The following ZNF658 variants were observed in gnomAD, a reference collection of about 807,000 sequenced individuals.
ZNF658 encodes zinc finger protein 658.
In ZNF658, 46 loss-of-function variants were observed where a neutral mutation model predicts 78.0. That is an observed-to-expected ratio of 0.59 (90% CI 0.47 to 0.75). The LOEUF is 0.75. Ranked by LOEUF, ZNF658 falls within the 30% of genes least tolerant of loss-of-function variation. ZNF658 has a pLI of 0.00. For missense variants in ZNF658, 785 were observed against 1,189.3 expected (o/e 0.66, Z 5.00); for synonymous variants, 279 against 408.4 (o/e 0.68, Z 3.82).
At chr9:66,909,718 C>T (rs1822168798) in intron 4 of ZNF658, among the ~76,000 whole-genome samples, 1 of 152,186 alleles carries the variant, frequency 6.6e-6, no homozygotes, top group African/African-American at 2.4e-5. Flanking sequence ...ACATCCTCAC[C>T]AGTGCTTGTT....
chr9:66,922,540 T>G (rs1587371353), downstream of ZNF658, among the ~76,000 whole-genome samples: 3 of 106,838 alleles, frequency 2.8e-5, 1 homozygote, highest in South Asian at 8.5e-4. Flanking sequence ...CAATGTGTTG[T>G]TATTGCAACA....
intron 3 of ZNF658, 136 bp downstream of exon 3, chr9:66,908,500 C>A (rs1178285937): frequency 6.8e-7 from 1 of 1,474,224 alleles, no homozygotes; most frequent in Non-Finnish European, 9.1e-7. Flanking sequence ...TTTACAGAAA[C>A]AAAAGCAACA....
In ZNF658 at chr9:66,909,765, TG is replaced by T. The variant is rs1446090010; in HGVS notation, c.238+1032del. 5.3e-5 allele frequency among the ~76,000 whole-genome samples: 8 copies of T among 152,230 alleles called. No individual in the cohort carries two copies. The East Asian group carries it at 1.3e-3, about 26-fold the overall frequency. ...TTTTGATTCTAGCCACCCCAGTGGATGTGAAGTGATATCTCACTGTGGTTTT... is the reference window on the plus strand; with the variant it reads ...TTTTGATTCTAGCCACCCCAGTGGATTGAAGTGATATCTCACTGTGGTTTT... On this transcript the variant is annotated intron_variant, in intron 4 of 4. Transcript: ENST00000621410.
rs1217240536 is a variant in ZNF658 at position 66,908,319 on chromosome 9, T to C, written c.97T>C (p.Tyr33His). 8 of 1,613,984 alleles carry C rather than the reference T, an allele frequency of 5.0e-6. No individual in the cohort carries two copies. The highest frequency in any genetic ancestry group is 6.8e-6 in the Non-Finnish European group (8 of 1,179,996). The change falls in exon 3 of 5, where the codon TAC becomes CAC. Residue 33 changes from tyrosine to histidine, a missense_variant. Coordinates refer to ENST00000621410, the MANE Select transcript of ZNF658 (RefSeq NM_033160.7). ...QHLGPVERTL[Y>H]RDVMLENYSH... is the part of the protein sequence containing the mutation. ...CCTGGGCCCTGTCGAGAGGACGCTG[T>C]ACAGAGATGTGATGCTGGAGAACTA...
intron 6 of ZNF658, among the ~76,000 whole-genome samples, chr9:66,930,796 C>T (rs1003155298): frequency 2.6e-5 from 4 of 150,978 alleles, no homozygotes; most frequent in Non-Finnish European, 5.9e-5. Flanking sequence ...GCATCCTTTG[C>T]CCACAAATGA....
chr9:66,925,478 A>G (rs1822576657), downstream of ZNF658, among the ~76,000 whole-genome samples: 1 of 146,652 alleles, frequency 6.8e-6, no homozygotes, highest in Admixed American at 6.6e-5. Context: ...CAATAAACTC[A>G]ATAACCTAGA....
intron 4 of ZNF658, among the ~76,000 whole-genome samples, chr9:66,915,021 A>G (rs1822301015): frequency 6.6e-6 from 1 of 151,562 alleles, no homozygotes; most frequent in Admixed American, 6.6e-5. Flanking sequence ...ACTAGTTAAA[A>G]CTATTTGGTC....
At chr9:66,922,177 G>A (rs1257419551), downstream of ZNF658, among the ~76,000 whole-genome samples, 1 of 142,762 alleles carries the variant, frequency 7.0e-6, no homozygotes, top group East Asian at 2.1e-4. Context: ...CTCCTGCTGT[G>A]CCATTTGCTA....
chr9:66,910,319 G>T (rs760500504), intron 4 of ZNF658, among the ~76,000 whole-genome samples: 1 of 152,022 alleles, frequency 6.6e-6, no homozygotes, highest in African/African-American at 2.4e-5. Flanking sequence ...GAATAAAAAA[G>T]TAAAATCATC....
In ZNF658 at chr9:66,908,744, C is replaced by T. The variant is rs768314024; in HGVS notation, c.238+10C>T. 1 of 1,609,936 alleles carries T rather than the reference C, an allele frequency of 6.2e-7. No individual in the cohort carries two copies. Among genetic ancestry groups the T allele is most frequent in the East Asian group, 2.2e-5 (1 of 44,846 alleles). On this transcript the variant is annotated intron_variant, in intron 4 of 4. Transcript: ENST00000621410. ...AACCAGAGGTACCCAGGTGAGTGGG[C>T]ATTAACAGAAGGAGCCCCCTGGGGG...
At position 66,920,799 on chromosome 9, in the gene ZNF658, G is replaced by A. The variant is rs956872211; in HGVS notation, c.*53G>A. The A allele has an allele frequency of 3.1e-6, 2 of 645,134 alleles. No homozygotes were observed. The highest frequency in any genetic ancestry group is 3.8e-5 in the African/African-American group (2 of 53,216). The allele number at this position is 645,134 out of a possible 1,614,324, so 40.0% of individuals were successfully genotyped here. ...GTAGTGCAGAAACTCATGTGACATAGGCTGGGAACTTGTTTCCCTTATCCA... is the reference window on the plus strand; with the variant it reads ...GTAGTGCAGAAACTCATGTGACATAAGCTGGGAACTTGTTTCCCTTATCCA... On this transcript the variant is annotated 3_prime_UTR_variant, in exon 5 of 5. Coordinates refer to ENST00000621410, the MANE Select transcript of ZNF658 (RefSeq NM_033160.7).
rs1014740887 is a variant in ZNF658, at chr9:66,921,028, T to G, written c.*282T>G. 3.1e-5 allele frequency: 15 copies of G among 479,134 alleles called. No individual in the cohort carries two copies. The highest frequency in any genetic ancestry group is 3.8e-6 in the Non-Finnish European group (1 of 264,760). The allele number at this position is 479,134 out of a possible 1,614,324, so 29.7% of individuals were successfully genotyped here. A position where few individuals can be genotyped will look rare whatever the true frequency, so the allele number is the denominator to read the frequency against. ...TTCTGCAGCAAACTTGGGTCCTGTG[T>G]GTTCAAAACCATAGAGCACAAGGTC... On this transcript the variant is annotated 3_prime_UTR_variant, in exon 5 of 5. Coordinates refer to ENST00000621410, the MANE Select transcript of ZNF658 (RefSeq NM_033160.7).
At chr9:66,904,876 G>A (rs1015435336) in intron 2 of ZNF658, among the ~76,000 whole-genome samples, 2 of 151,734 alleles carry the variant, frequency 1.3e-5, no homozygotes, top group Admixed American at 6.6e-5. Context: ...TTGGTTGACA[G>A]TCTTTGTTTC....
chr9:66,908,958 G>A (rs1269604261), intron 4 of ZNF658, among the ~76,000 whole-genome samples: 6 of 152,064 alleles, frequency 3.9e-5, no homozygotes, highest in Non-Finnish European at 8.8e-5. Flanking sequence ...TTTTTTTCCT[G>A]TCACTATTCC....
Position 66,908,454 on chromosome 9 carries a change from G to T in ZNF658, c.142+90G>T. 3.8e-6 allele frequency: 6 copies of T among 1,577,534 alleles called. No individual in the cohort carries two copies. The South Asian group carries it at 4.7e-5, about 12-fold the overall frequency. On this transcript the variant is annotated intron_variant, in intron 3 of 4. Coordinates refer to ENST00000621410, the MANE Select transcript of ZNF658 (RefSeq NM_033160.7). Reference sequence around the variant, plus strand: ...ACATGGACCCTTTATAGAGATTAAAGGGCTTTGGATTAAAAGGTTTGAAGT... The same window carrying T: ...ACATGGACCCTTTATAGAGATTAAATGGCTTTGGATTAAAAGGTTTGAAGT...
rs140849844 is a variant in ZNF658, at chr9:66,918,658, G to A, written c.1092G>A (p.Gln364=). Reference sequence around the variant, plus strand: ...ATGAATGTACAGATGCCCTCTACCAGAAATTAGACTTTACAGCACATCAGA... The same window carrying A: ...ATGAATGTACAGATGCCCTCTACCAAAAATTAGACTTTACAGCACATCAGA... ...EHNECTDALY[Q]KLDFTAHQRI... The change falls in exon 5 of 5, where the codon CAG becomes CAA. Residue 364 remains glutamine, a synonymous_variant. Coordinates refer to ENST00000621410, the MANE Select transcript of ZNF658 (RefSeq NM_033160.7). 17 of 1,613,598 alleles carry A rather than the reference G, an allele frequency of 1.1e-5. No individual in the cohort carries two copies. The highest frequency in any genetic ancestry group is 1.4e-5 in the Non-Finnish European group (16 of 1,179,826).
rs926355284 is a variant in ZNF658 at position 66,929,007 on chromosome 9, T to G, written c.*55-3018T>G. 4.4e-4 allele frequency among the ~76,000 whole-genome samples: 66 copies of G among 151,428 alleles called. 1 individual carries two copies. Among genetic ancestry groups the G allele is most frequent in the Admixed American group, 3.9e-3 (59 of 15,164 alleles). On this transcript the variant is annotated intron_variant and NMD_transcript_variant, in intron 6 of 6. Coordinates refer to the ZNF658 transcript ENST00000622180. ...GGAATGAGAAATTGGCAATACATGTTAAACCCACTCTGTTACTTTCTTTTC... is the reference window on the plus strand; with the variant it reads ...GGAATGAGAAATTGGCAATACATGTGAAACCCACTCTGTTACTTTCTTTTC...
chr9:66,926,380 G>A (rs1397606287), downstream of ZNF658, among the ~76,000 whole-genome samples: 1 of 151,694 alleles, frequency 6.6e-6, no homozygotes, highest in Non-Finnish European at 1.5e-5. Context: ...ATTCAGCAAA[G>A]TAGTATGATA....
chr9:66,914,910 C>A (rs77723963), intron 4 of ZNF658, among the ~76,000 whole-genome samples: 1 of 151,970 alleles, frequency 6.6e-6, no homozygotes, highest in Admixed American at 6.6e-5. Flanking sequence ...GAGGATGAGG[C>A]AGGCCTTATA....
Sources: allele counts gnomAD v4.1 joint callset (sites outside exome capture counted in the v4.1 genomes callset), GRCh38; gene constraint gnomAD v4.1.1; transcripts MANE v1.5; gene names NCBI Gene and HGNC (gene_info 2026-07-23, HGNC 2026-07-21).